Variants in PPA2 observed in about 807,000 individuals in gnomAD.
The protein encoded by PPA2 is inorganic pyrophosphatase 2.
Under a neutral mutation model 49.5 loss-of-function variants are expected in PPA2, and 48 were observed. That is an observed-to-expected ratio of 0.97 (90% confidence interval 0.77 to 1.23). The LOEUF (loss-of-function observed/expected upper bound fraction) is 1.23. Ranked by LOEUF, PPA2 falls within the 50% of genes most tolerant of loss-of-function variation. The probability of loss-of-function intolerance (pLI) is 0.00; values close to 1 mark genes in which losing one functional copy is unlikely to be tolerated. For missense variants in PPA2, 429 were observed against 410.1 expected, an observed-to-expected ratio of 1.05 and a Z score of -0.40; for synonymous variants, 131 against 139.9, an observed-to-expected ratio of 0.94 and a Z score of 0.45.
intron 10 of PPA2, among the ~76,000 whole-genome samples, chr4:105,379,762 T>C (rs1733411135): frequency 6.6e-6 from 1 of 151,608 alleles, no homozygotes; most frequent in Non-Finnish European, 1.5e-5. Flanking sequence ...GACTCCTGAG[T>C]AGCTGGGATT....
chr4:105,401,160 G>GAT (rs955827388), intron 7 of PPA2, among the ~76,000 whole-genome samples: 4 of 151,990 alleles, frequency 2.6e-5, no homozygotes, highest in Non-Finnish European at 5.9e-5. Flanking sequence ...AGCATACATA[G>GAT]ATATATATAA....
chr4:105,468,949 T>C (rs1723416932), intron 1 of PPA2, among the ~76,000 whole-genome samples: 1 of 152,186 alleles, frequency 6.6e-6, no homozygotes, highest in South Asian at 2.1e-4. Flanking sequence ...AGCTCGGCTT[T>C]TCCCTAAACT....
intron 6 of PPA2, among the ~76,000 whole-genome samples, chr4:105,425,979 C>A (rs993753296): frequency 6.6e-6 from 1 of 151,924 alleles, no homozygotes; most frequent in Non-Finnish European, 1.5e-5. Flanking sequence ...TTCTTAAAAA[C>A]GCTACCAACC....
At chr4:105,411,306 G>A (rs1252378658) in intron 7 of PPA2, among the ~76,000 whole-genome samples, 4 of 152,134 alleles carry the variant, frequency 2.6e-5, no homozygotes, top group African/African-American at 9.7e-5. Context: ...GATCAAAAGA[G>A]ACAAAGAAGG....
intron 10 of PPA2, among the ~76,000 whole-genome samples, chr4:105,380,762 T>G (rs1487247115): frequency 6.6e-6 from 1 of 152,176 alleles, no homozygotes; most frequent in Non-Finnish European, 1.5e-5. Flanking sequence ...ATATGTCTAT[T>G]GCTTTTAAAA....
chr4:105,472,242 G>C (rs894211107), intron 1 of PPA2, among the ~76,000 whole-genome samples: 1 of 152,186 alleles, frequency 6.6e-6, no homozygotes, highest in Non-Finnish European at 1.5e-5. Flanking sequence ...GCGAGTTAAC[G>C]GCAGAGCCAA....
intron 7 of PPA2, chr4:105,399,431 T>TG: frequency 3.8e-6 from 1 of 261,470 alleles, no homozygotes. Context: ...AATAAATGGA[T>TG]GGATACAACA....
chr4:105,373,528 T>C (rs1483819986), intron 10 of PPA2, among the ~76,000 whole-genome samples: 1 of 152,032 alleles, frequency 6.6e-6, no homozygotes, highest in Non-Finnish European at 1.5e-5. Context: ...CTTGTTGGAG[T>C]GCCAAACATT....
chr4:105,382,748 C>T (rs955417836), intron 10 of PPA2, among the ~76,000 whole-genome samples: 2 of 152,012 alleles, frequency 1.3e-5, no homozygotes, highest in Non-Finnish European at 2.9e-5. Context: ...CCTGTAATCT[C>T]GGTGCTTTGG....
chr4:105,452,004 T>C (rs1351574670), intron 3 of PPA2, among the ~76,000 whole-genome samples: 1 of 152,220 alleles, frequency 6.6e-6, no homozygotes, highest in Non-Finnish European at 1.5e-5. Context: ...CAGAAAGTTG[T>C]GTATGTGGCA....
intron 10 of PPA2, among the ~76,000 whole-genome samples, chr4:105,382,653 AT>A (rs1410838373): frequency 6.6e-6 from 1 of 152,088 alleles, no homozygotes; most frequent in Non-Finnish European, 1.5e-5. Flanking sequence ...AGAATCTCAT[AT>A]TTTTTGGCTA....
intron 9 of PPA2, among the ~76,000 whole-genome samples, chr4:105,389,285 C>T (rs547418322): frequency 6.7e-4 from 102 of 151,996 alleles, no homozygotes; most frequent in South Asian, 1.5e-3. Context: ...CTCTTCTAGA[C>T]GCTGGAGACA....
intron 7 of PPA2, chr4:105,405,614 A>G: frequency 9.9e-7 from 1 of 1,008,920 alleles, no homozygotes; most frequent in Non-Finnish European, 1.2e-6. Flanking sequence ...AAATAAAAAG[A>G]CTCCTCAAGT....
At chr4:105,455,012 A>C (rs1014730417) in intron 2 of PPA2, among the ~76,000 whole-genome samples, 1 of 152,140 alleles carries the variant, frequency 6.6e-6, no homozygotes, top group African/African-American at 2.4e-5. Flanking sequence ...CACCAGTCAC[A>C]TTTTATCTTT....
intron 7 of PPA2, among the ~76,000 whole-genome samples, chr4:105,401,424 A>G (rs1389500635): frequency 6.6e-6 from 1 of 151,980 alleles, no homozygotes; most frequent in Non-Finnish European, 1.5e-5. Flanking sequence ...GTATTTTTTC[A>G]GTTTTCTTTT....
chr4:105,401,601 A>G (rs1203683052), intron 7 of PPA2, among the ~76,000 whole-genome samples: 2 of 152,178 alleles, frequency 1.3e-5, no homozygotes, highest in Admixed American at 6.5e-5. Context: ...TATTTTAAGA[A>G]AAGTGGCAGT....
In PPA2 at chr4:105,402,783, A is replaced by G. The variant is rs528476323; in HGVS notation, c.656-3619T>C. Among the ~76,000 whole-genome samples the G allele has an allele frequency of 2.7e-3, 413 of 152,262 alleles. 2 individuals are homozygous for G. Among genetic ancestry groups the G allele is most frequent in the African/African-American group, 9.5e-3 (395 of 41,562 alleles). On this transcript the variant is annotated intron_variant, in intron 7 of 11. Transcript: ENST00000341695. ...GGAAGTCCAATAAGGGGCTGCTAAGAGAGTCTACTTAGGTGAACTATGATG... is the reference window on the plus strand; with the variant it reads ...GGAAGTCCAATAAGGGGCTGCTAAGGGAGTCTACTTAGGTGAACTATGATG...
chr4:105,447,392 G>C (rs1157472606), intron 4 of PPA2, among the ~76,000 whole-genome samples: 2 of 152,144 alleles, frequency 1.3e-5, no homozygotes, highest in African/African-American at 4.8e-5. Context: ...TAAGGGTAGG[G>C]GGAATAGGGA....
At chr4:105,374,124 GTTAC>G (rs1324889253) in intron 10 of PPA2, among the ~76,000 whole-genome samples, 2 of 152,104 alleles carry the variant, frequency 1.3e-5, no homozygotes, top group East Asian at 3.9e-4. Flanking sequence ...ATAACTTTTA[GTTAC>G]TTACTTCTAA....
Sources: gnomAD v4.1 joint callset for allele counts (sites outside exome capture counted in the v4.1 genomes callset) on GRCh38, gnomAD v4.1.1 for gene constraint, MANE v1.5 for transcripts, NCBI Gene and HGNC (gene_info 2026-07-23, HGNC 2026-07-21) for gene names.